Variants in GABRA4 observed in about 807,000 individuals in gnomAD.
The protein encoded by GABRA4 is gamma-aminobutyric acid type A receptor subunit alpha4, also known as gamma-aminobutyric acid receptor subunit alpha-4.
GABRA4 carries 12 observed loss-of-function variants against 49.7 expected under a neutral mutation model. That is an observed-to-expected ratio of 0.24 (90% CI 0.15 to 0.39). The LOEUF is 0.39. Among genes scored for constraint, GABRA4 ranks in the 10% least tolerant of loss-of-function variants. GABRA4 has a pLI of 1.00. For synonymous variants in GABRA4, 288 were observed against 240.2 expected (o/e 1.20, Z -1.84); for missense variants, 506 against 686.0 (o/e 0.74, Z 2.93).
chr4:46,961,370 C>T lies in GABRA4; in HGVS notation c.1134+3600G>A, dbSNP rs79411418. Reference sequence around the variant, plus strand: ...CATCCTCCTCCCGCACTTCCTGTCCCCTTTAGTGCTTTACTATTATCATAG... The same window carrying T: ...CATCCTCCTCCCGCACTTCCTGTCCTCTTTAGTGCTTTACTATTATCATAG... On this transcript the variant is annotated intron_variant, in intron 8 of 8. Coordinates refer to ENST00000264318, the MANE Select transcript of GABRA4 (RefSeq NM_000809.4). Among the ~76,000 whole-genome samples the T allele has an allele frequency of 3.7e-3, 559 of 151,914 alleles. 24 individuals carry two copies. The East Asian group carries it at 0.094, about 26-fold the overall frequency.
chr4:46,977,921 A>G (rs750560089), intron 3 of GABRA4, among the ~76,000 whole-genome samples: 3 of 152,114 alleles, frequency 2.0e-5, no homozygotes, highest in Non-Finnish European at 2.9e-5. Context: ...AACTGCCAGT[A>G]CCAGGTAGTT....
intron 2 of GABRA4, among the ~76,000 whole-genome samples, chr4:46,980,543 T>A (rs1323850578): frequency 6.6e-6 from 1 of 152,018 alleles, no homozygotes; most frequent in Admixed American, 6.6e-5. Context: ...TGAATAAGTA[T>A]CCTAAGAAAA....
At chr4:46,974,050 T>C (rs1723049933) in intron 6 of GABRA4, among the ~76,000 whole-genome samples, 182 bp downstream of exon 6, 1 of 151,884 alleles carries the variant, frequency 6.6e-6, no homozygotes, top group East Asian at 1.9e-4. Context: ...CAGAATTTAT[T>C]TTAAACTAAA....
At chr4:46,972,397 T>C (rs1236642165) in intron 6 of GABRA4, among the ~76,000 whole-genome samples, 2 of 151,792 alleles carry the variant, frequency 1.3e-5, no homozygotes, top group East Asian at 1.9e-4. Context: ...TTATCCATAA[T>C]AAATTTCTAT....
At position 46,920,515 on chromosome 4, in the gene GABRA4, A is replaced by T. The variant is rs1355475389; in HGVS notation, c.*7710T>A. On this transcript the variant is annotated 3_prime_UTR_variant, in exon 9 of 9. Transcript: ENST00000264318. Reference sequence around the variant, plus strand: ...TGATGTATATGTATTAATATATGAAAAAATCCTAATTGCACTTCACATGAT... The same window carrying T: ...TGATGTATATGTATTAATATATGAATAAATCCTAATTGCACTTCACATGAT... The T allele has an allele frequency of 6.6e-6, 1 of 151,738 alleles. No individual in the cohort carries two copies. The highest frequency in any genetic ancestry group is 1.5e-5 in the Non-Finnish European group (1 of 67,680). The allele number at this position is 151,738 out of a possible 1,614,324, so 9.4% of individuals were successfully genotyped here. A position where few individuals can be genotyped will look rare whatever the true frequency, so the allele number is the denominator to read the frequency against.
chr4:46,941,446 G>A (rs1344695474), intron 8 of GABRA4, among the ~76,000 whole-genome samples: 2 of 151,980 alleles, frequency 1.3e-5, no homozygotes, highest in Non-Finnish European at 2.9e-5. Context: ...AGAGTTAGTG[G>A]TGTGGTAATT....
chr4:46,987,279 T>G (rs2109406593), intron 2 of GABRA4, among the ~76,000 whole-genome samples: 1 of 152,268 alleles, frequency 6.6e-6, no homozygotes, highest in East Asian at 1.9e-4. Flanking sequence ...ATTAGAAGAC[T>G]CCATCCCAAA....
intron 8 of GABRA4, among the ~76,000 whole-genome samples, chr4:46,961,067 A>G (rs1300925340): frequency 3.3e-5 from 5 of 151,916 alleles, no homozygotes; most frequent in Non-Finnish European, 7.4e-5. Context: ...CTCAATCACT[A>G]CTTTCTAAAC....
In GABRA4 at chr4:46,959,060, AT is replaced by A. The variant is rs563016763; in HGVS notation, c.1134+5909del. Among the ~76,000 whole-genome samples, 495 of 152,136 alleles carry A rather than the reference AT, an allele frequency of 3.3e-3. 2 individuals carry two copies. Among genetic ancestry groups the A allele is most frequent in the African/African-American group, 0.011 (471 of 41,558 alleles). ...TCAAAACTTATAATTCTTAGAATAA[AT>A]ATTTCTTTCTAGTTATACGTTGTAA... On this transcript the variant is annotated intron_variant, in intron 8 of 8. Coordinates refer to ENST00000264318, the MANE Select transcript of GABRA4 (RefSeq NM_000809.4).
intron 4 of GABRA4, 132 bp from the exon 5 acceptor site, chr4:46,977,275 A>G: frequency 2.3e-6 from 1 of 427,600 alleles, no homozygotes; most frequent in Admixed American, 4.4e-5. Context: ...GAAGGAAGGG[A>G]AGGAGGAAGG....
intron 7 of GABRA4, among the ~76,000 whole-genome samples, chr4:46,966,898 T>A (rs1013619174): frequency 1.3e-5 from 2 of 151,756 alleles, no homozygotes; most frequent in Non-Finnish European, 2.9e-5. Context: ...AATATATAAA[T>A]ATCTGCATAT....
At chr4:46,947,945 A>T (rs1722037396) in intron 8 of GABRA4, among the ~76,000 whole-genome samples, 1 of 151,928 alleles carries the variant, frequency 6.6e-6, no homozygotes, top group African/African-American at 2.4e-5. Context: ...GGTTGGAATC[A>T]CCCAGAAGAT....
intron 7 of GABRA4, among the ~76,000 whole-genome samples, chr4:46,969,398 C>T (rs1325151949): frequency 6.6e-6 from 1 of 151,426 alleles, no homozygotes; most frequent in African/African-American, 2.4e-5. Context: ...ACTTTGGATG[C>T]TCAGTTTCAG....
At chr4:46,954,424 G>T (rs1411897279) in intron 8 of GABRA4, among the ~76,000 whole-genome samples, 1 of 151,988 alleles carries the variant, frequency 6.6e-6, no homozygotes, top group Admixed American at 6.6e-5. Context: ...GGGCATTGTG[G>T]CAGGCGCCTG....
At chr4:46,957,371 T>C (rs1304367317) in intron 8 of GABRA4, among the ~76,000 whole-genome samples, 1 of 151,924 alleles carries the variant, frequency 6.6e-6, no homozygotes, top group African/African-American at 2.4e-5. Flanking sequence ...GCAGAGAAAA[T>C]AGCTCTTTAC....
In GABRA4 at chr4:46,924,170, C is replaced by A. The variant is rs1387291290; in HGVS notation, c.*4055G>T. On this transcript the variant is annotated 3_prime_UTR_variant, in exon 9 of 9. Coordinates refer to ENST00000264318, the MANE Select transcript of GABRA4 (RefSeq NM_000809.4). ...CACCTCTATCTAGATCAGTGCTATG[C>A]TGAGCAATTTTGGAGCCTGAGGCAG... 6.6e-6 allele frequency: 1 copy of A among 152,088 alleles called. No homozygotes were observed. The allele number at this position is 152,088 out of a possible 1,614,324, so 9.4% of individuals were successfully genotyped here.
chr4:46,962,801 C>A (rs1378576646), intron 8 of GABRA4, among the ~76,000 whole-genome samples: 3 of 151,756 alleles, frequency 2.0e-5, no homozygotes, highest in Non-Finnish European at 4.4e-5. Flanking sequence ...AGAAACAAAT[C>A]CACACACCTA....
chr4:46,974,366 G>C lies in GABRA4; in HGVS notation c.587C>G (p.Pro196Arg), dbSNP rs1308790503. ...CPLKFGSYAYPKSEMIYTWTK... is the reference protein window; with the variant it reads ...CPLKFGSYAYRKSEMIYTWTK... The stretch of plus-strand genomic sequence containing the variant: ...CCAGGTATAGATCATCTCACTCTTT[G>C]GATAGGCATCTAAAAGAGAGCACAG... The change falls in exon 6 of 9, where the codon CCA (proline) becomes CGA (arginine). Residue 196 changes from proline (P) to arginine (R), a missense_variant. By Grantham distance (103) the Pro-to-Arg change is moderately radical. Transcript: ENST00000264318. 6.2e-7 allele frequency: 1 copy of C among 1,609,402 alleles called. No individual in the cohort carries two copies.
intron 2 of GABRA4, among the ~76,000 whole-genome samples, chr4:46,983,311 G>T (rs944908986): frequency 1.3e-5 from 2 of 152,042 alleles, no homozygotes; most frequent in African/African-American, 4.8e-5. Flanking sequence ...TTTTCTCAAA[G>T]CGCTTTTCAT....
Sources: gnomAD v4.1 joint callset for allele counts (sites outside exome capture counted in the v4.1 genomes callset) on GRCh38, gnomAD v4.1.1 for gene constraint, MANE v1.5 for transcripts, NCBI Gene and HGNC (gene_info 2026-07-23, HGNC 2026-07-21) for gene names.